LRRTM4: variants seen among roughly 807,000 people sequenced by gnomAD.
The protein encoded by LRRTM4 is leucine rich repeat transmembrane neuronal 4.
A neutral mutation model predicts 47.6 loss-of-function variants in LRRTM4; 25 were observed. That is an observed-to-expected ratio of 0.53 (90% CI 0.38 to 0.73). LRRTM4 has a LOEUF of 0.73. LRRTM4 is among the 30% of genes least tolerant of loss of function. LRRTM4 has a pLI of 0.00. For missense variants in LRRTM4, 638 were observed against 713.4 expected, an observed-to-expected ratio of 0.89 and a Z score of 1.20; for synonymous variants, 311 against 269.5, an observed-to-expected ratio of 1.15 and a Z score of -1.51.
chr2:76,752,880 C>G (rs936862244), intron 3 of LRRTM4, among the ~76,000 whole-genome samples: 5 of 152,148 alleles, frequency 3.3e-5, no homozygotes, highest in African/African-American at 1.2e-4. Context: ...CATCAGCTCT[C>G]TGATGAGCTC....
chr2:76,889,105 T>G (rs1573261889), intron 3 of LRRTM4, among the ~76,000 whole-genome samples: 1 of 111,760 alleles, frequency 8.9e-6, no homozygotes, highest in Non-Finnish European at 2.3e-5. Flanking sequence ...TACTACTTCA[T>G]TTCATTTATT....
chr2:77,325,480 T>A (rs1385996064), intron 3 of LRRTM4, among the ~76,000 whole-genome samples: 1 of 152,052 alleles, frequency 6.6e-6, no homozygotes, highest in Non-Finnish European at 1.5e-5. Flanking sequence ...GGAAATAAAA[T>A]TAGAGTGTAT....
At chr2:77,492,752 C>T (rs1181546247) in intron 3 of LRRTM4, among the ~76,000 whole-genome samples, 1 of 152,048 alleles carries the variant, frequency 6.6e-6, no homozygotes, top group Non-Finnish European at 1.5e-5. Flanking sequence ...CAATGCACAG[C>T]TCTCAGTTTT....
intron 3 of LRRTM4, among the ~76,000 whole-genome samples, chr2:76,858,800 G>C (rs567843111): frequency 1.3e-5 from 2 of 152,040 alleles, no homozygotes; most frequent in African/African-American, 4.8e-5. Context: ...AATATTTCTT[G>C]TATTATTTTG....
At chr2:77,003,455 C>T (rs749951847) in intron 3 of LRRTM4, among the ~76,000 whole-genome samples, 21 of 151,912 alleles carry the variant, frequency 1.4e-4, no homozygotes, top group Admixed American at 4.6e-4. Flanking sequence ...TGGGTTTTTT[C>T]TCATGCCTTT....
At chr2:77,433,289 A>T (rs955356724) in intron 3 of LRRTM4, among the ~76,000 whole-genome samples, 1 of 152,210 alleles carries the variant, frequency 6.6e-6, no homozygotes, top group African/African-American at 2.4e-5. Flanking sequence ...AAATGAAAAT[A>T]GGAGAGAATA....
chr2:77,063,986 A>G (rs1386476942), intron 3 of LRRTM4, among the ~76,000 whole-genome samples: 2 of 152,164 alleles, frequency 1.3e-5, no homozygotes, highest in African/African-American at 4.8e-5. Context: ...GAGAAAAGAC[A>G]TTAAGTTTAC....
chr2:77,250,113 A>C (rs1675563060), intron 3 of LRRTM4, among the ~76,000 whole-genome samples: 1 of 152,180 alleles, frequency 6.6e-6, no homozygotes, highest in South Asian at 2.1e-4. Context: ...TGTTTTGGAA[A>C]AAGCAAGATT....
At chr2:77,489,644 A>G (rs747014764) in intron 3 of LRRTM4, among the ~76,000 whole-genome samples, 3 of 152,210 alleles carry the variant, frequency 2.0e-5, no homozygotes, top group Non-Finnish European at 2.9e-5. Flanking sequence ...ATAATTTAAT[A>G]TTTTAAAGCA....
chr2:77,221,032 G>T (rs2103947546), intron 3 of LRRTM4, among the ~76,000 whole-genome samples: 1 of 152,304 alleles, frequency 6.6e-6, no homozygotes, highest in Admixed American at 6.5e-5. Context: ...CAAGCCAGAA[G>T]AGAGTGGGGG....
intron 3 of LRRTM4, among the ~76,000 whole-genome samples, chr2:77,016,407 GGAA>G (rs372412083): frequency 0.012 from 1,840 of 151,536 alleles, 36 homozygotes; most frequent in African/African-American, 0.042. Context: ...AAAAGAGTGA[GGAA>G]GAAGATGGGC....
intron 3 of LRRTM4, among the ~76,000 whole-genome samples, chr2:76,800,138 T>C (rs1296087011): frequency 1.1e-4 from 16 of 148,584 alleles, no homozygotes; most frequent in Admixed American, 1.1e-3. Context: ...AGAGCCCGCA[T>C]CGCCAAGTCA....
In LRRTM4 at chr2:77,241,602, GGTATGGAAT is replaced by G. The variant is rs552226482; in HGVS notation, c.1551+276707_1551+276715del. On this transcript the variant is annotated intron_variant, in intron 3 of 3. Coordinates refer to ENST00000409884, the MANE Select transcript of LRRTM4 (RefSeq NM_001134745.3). The stretch of plus-strand genomic sequence containing the variant: ...AAAATAACCTATTGAATAGAGATTA[GGTATGGAAT>G]GTATGGAATAAGCTCTGGAAAAAAA... Among the ~76,000 whole-genome samples, 1,287 of 146,084 alleles carry G rather than the reference GGTATGGAAT, an allele frequency of 8.8e-3. 36 individuals carry two copies. The highest frequency in any genetic ancestry group is 0.053 in the Admixed American group (803 of 15,020).
chr2:76,987,638 G>C (rs929001475), intron 3 of LRRTM4: 8 of 151,758 alleles, frequency 5.3e-5, no homozygotes, highest in African/African-American at 1.9e-4. Flanking sequence ...ATCTCTTATG[G>C]TCAGAAAAAT....
chr2:77,233,391 T>C (rs1361125673), intron 3 of LRRTM4, among the ~76,000 whole-genome samples: 1 of 152,208 alleles, frequency 6.6e-6, no homozygotes, highest in African/African-American at 2.4e-5. Context: ...AGTTGAAATA[T>C]TAAAGTTACC....
chr2:76,911,919 T>G (rs1054260501), intron 3 of LRRTM4, among the ~76,000 whole-genome samples: 1 of 122,176 alleles, frequency 8.2e-6, no homozygotes, highest in Non-Finnish European at 1.6e-5. Context: ...AAGAGTGAGT[T>G]GTGGTATGTG....
intron 3 of LRRTM4, among the ~76,000 whole-genome samples, chr2:76,930,399 C>A (rs1171800543): frequency 6.6e-6 from 1 of 152,172 alleles, no homozygotes; most frequent in Non-Finnish European, 1.5e-5. Context: ...GTAAACGTGT[C>A]TGTGCTATGG....
At chr2:77,152,759 C>G (rs530756269) in intron 3 of LRRTM4, among the ~76,000 whole-genome samples, 14 of 152,102 alleles carry the variant, frequency 9.2e-5, no homozygotes, top group African/African-American at 2.9e-4. Flanking sequence ...ACAATAGGTG[C>G]TAAGTATTCA....
intron 3 of LRRTM4, among the ~76,000 whole-genome samples, chr2:76,893,670 A>C (rs1385889659): frequency 2.6e-5 from 4 of 151,962 alleles, no homozygotes; most frequent in Admixed American, 6.6e-5. Context: ...ACTCATCCTA[A>C]GAAGATGAGA....
Sources: allele counts gnomAD v4.1 joint callset (sites outside exome capture counted in the v4.1 genomes callset), GRCh38; gene constraint gnomAD v4.1.1; transcripts MANE v1.5; gene names NCBI Gene and HGNC (gene_info 2026-07-23, HGNC 2026-07-21).